The following MYPN variants were observed in gnomAD, a reference collection of about 807,000 sequenced individuals.
MYPN encodes the protein sarcomeric protein myopalladin, 145 kDa (MYOP).
A neutral mutation model predicts 129.4 loss-of-function variants in MYPN; 63 were observed. The observed-to-expected ratio is 0.49, with a 90% CI of 0.40 to 0.60. The LOEUF is 0.60. Among genes scored for constraint, MYPN ranks in the 20% least tolerant of loss-of-function variants. MYPN has a pLI of 0.00. For missense variants in MYPN, 1,596 were observed against 1,635.4 expected, an observed-to-expected ratio of 0.98 and a Z score of 0.42; for synonymous variants, 629 against 600.9, an observed-to-expected ratio of 1.05 and a Z score of -0.68.
intron 1 of MYPN, among the ~76,000 whole-genome samples, chr10:68,115,008 C>T (rs1267362392): frequency 3.3e-5 from 5 of 152,100 alleles, no homozygotes; most frequent in African/African-American, 1.2e-4. Flanking sequence ...CCTGTAATCC[C>T]AGCACTTTGG....
At chr10:68,119,385 T>TTTTTTTTATTTA (rs754608224) in intron 1 of MYPN, among the ~76,000 whole-genome samples, 8 of 144,700 alleles carry the variant, frequency 5.5e-5, no homozygotes, top group African/African-American at 2.0e-4. Flanking sequence ...TTGCATTTTA[T>TTTTTTTTATTTA]TTTATTTATT....
rs1906720 is a variant in MYPN at position 68,156,178 on chromosome 10, T to A, written c.1318-2308T>A. ...CTCAACCCCTTCTGCCACCACCACCTTTTTTGATGTTTGGTTTGGCTTTCT... is the reference window on the plus strand; with the variant it reads ...CTCAACCCCTTCTGCCACCACCACCATTTTTGATGTTTGGTTTGGCTTTCT... On this transcript the variant is annotated intron_variant, in intron 6 of 19. Transcript: ENST00000358913. Among the ~76,000 whole-genome samples, 1,357 of 152,292 alleles carry A rather than the reference T, an allele frequency of 8.9e-3. 18 individuals are homozygous for A. Among genetic ancestry groups the A allele is most frequent in the African/African-American group, 0.031 (1,307 of 41,566 alleles).
rs1349532936 is a variant in MYPN, at chr10:68,174,533, C to A, written c.2441C>A (p.Pro814Gln). 6.2e-7 allele frequency: 1 copy of A among 1,614,122 alleles called. No individual in the cohort carries two copies. The highest frequency in any genetic ancestry group is 1.7e-4 in the Middle Eastern group (1 of 6,060). Residue 814 changes from proline (P) to glutamine (Q), a missense_variant, in exon 11 of 20, where the codon CCA (proline) becomes CAA (glutamine). Pro to Gln is a moderately conservative substitution (Grantham distance 76). Transcript: ENST00000358913. ...CAGTTTCAGCCCCGCTGTGTGTCCC[C>A]AATTCCTGTCTCTCCTACCAGCCGG... ...GNQFQPRCVSPIPVSPTSRIQ... is the reference protein window; with the variant it reads ...GNQFQPRCVSQIPVSPTSRIQ...
chr10:68,119,308 G>T (rs927919420), intron 1 of MYPN, among the ~76,000 whole-genome samples: 3 of 151,934 alleles, frequency 2.0e-5, no homozygotes, highest in African/African-American at 7.3e-5. Flanking sequence ...ACTGAACATG[G>T]TTACAATTTT....
Position 68,161,722 on chromosome 10 carries a change from C to G in MYPN, c.1460-7C>G. 1 of 1,609,840 alleles carries G rather than the reference C, an allele frequency of 6.2e-7. No homozygotes were observed. The highest frequency in any genetic ancestry group is 8.5e-7 in the Non-Finnish European group (1 of 1,177,012). On this transcript the variant is annotated splice_region_variant and splice_polypyrimidine_tract_variant and intron_variant, in intron 7 of 19. Coordinates refer to ENST00000358913, the MANE Select transcript of MYPN (RefSeq NM_032578.4). ...TGCTCAGAATCTTTTACTTTCTTTT[C>G]TTTTAGAACCTCGATCCATGGCAGA...
chr10:68,131,960 T>C (rs1052467130), intron 2 of MYPN, among the ~76,000 whole-genome samples: 1 of 152,228 alleles, frequency 6.6e-6, no homozygotes, highest in Non-Finnish European at 1.5e-5. Context: ...AATCTATCTA[T>C]AGATTTTTGG....
chr10:68,204,124 G>A (rs1381368167), intron 18 of MYPN, among the ~76,000 whole-genome samples: 1 of 152,170 alleles, frequency 6.6e-6, no homozygotes, highest in East Asian at 1.9e-4. Flanking sequence ...AGCAACTGTT[G>A]CACGTAGTCA....
At chr10:68,165,542 G>A in intron 8 of MYPN, 160 bp from the exon 9 acceptor site, 1 of 708,612 alleles carries the variant, frequency 1.4e-6, no homozygotes. Flanking sequence ...CTACTAATCA[G>A]TCAATTCAAT....
intron 6 of MYPN, among the ~76,000 whole-genome samples, chr10:68,153,233 C>T (rs2042808183): frequency 6.6e-6 from 1 of 152,106 alleles, no homozygotes; most frequent in Admixed American, 6.5e-5. Flanking sequence ...AATCCGCCCA[C>T]CTCAGCCTCC....
intron 1 of MYPN, among the ~76,000 whole-genome samples, chr10:68,095,269 G>C (rs947377632): frequency 3.3e-5 from 5 of 151,334 alleles, no homozygotes; most frequent in Non-Finnish European, 4.4e-5. Context: ...AAGATTGCTT[G>C]AGTCTGGGAG....
chr10:68,207,702 G>T (rs1008854013), intron 19 of MYPN, among the ~76,000 whole-genome samples: 11 of 152,040 alleles, frequency 7.2e-5, no homozygotes, highest in South Asian at 2.1e-4. Flanking sequence ...TGACACATAG[G>T]CTCCCCTCTC....
intron 15 of MYPN, among the ~76,000 whole-genome samples, chr10:68,196,476 T>G (rs898573824): frequency 3.7e-5 from 4 of 107,232 alleles, no homozygotes; most frequent in African/African-American, 1.2e-4. Context: ...AACTATACCT[T>G]CTTCTTCTTT....
At chr10:68,190,908 A>G (rs2043500188) in intron 13 of MYPN, among the ~76,000 whole-genome samples, 1 of 152,032 alleles carries the variant, frequency 6.6e-6, no homozygotes, top group African/African-American at 2.4e-5. Context: ...CCATATGGGT[A>G]TTTAGTTTTC....
intron 6 of MYPN, among the ~76,000 whole-genome samples, chr10:68,152,681 G>T (rs1326138258): frequency 6.6e-6 from 1 of 152,172 alleles, no homozygotes; most frequent in Admixed American, 6.5e-5. Context: ...TGTTGCCCAG[G>T]CTAGAGTGCA....
At chr10:68,197,330 C>T in intron 15 of MYPN, 22 bp from the exon 16 acceptor site, 1 of 1,610,004 alleles carries the variant, frequency 6.2e-7, no homozygotes, top group South Asian at 1.1e-5. Context: ...TGTTTAATAT[C>T]TGAACATGCT....
At position 68,166,336 on chromosome 10, in the gene MYPN, A is replaced by G. The variant is rs1378645341; in HGVS notation, c.1643A>G (p.Asn548Ser). The G allele has an allele frequency of 6.2e-7, 1 of 1,613,786 alleles. No homozygotes were observed. Among genetic ancestry groups the G allele is most frequent in the Non-Finnish European group, 8.5e-7 (1 of 1,179,954 alleles). ...AACAACGGGTCTCTTCACTCAGCCA[A>G]CTCTACCACCAACCTGGCAGCTATT... ...LSNNGSLHSANSTTNLAAIEP... is the reference protein window; with the variant it reads ...LSNNGSLHSASSTTNLAAIEP... The change falls in exon 10 of 20, where the codon AAC (asparagine) becomes AGC (serine). Residue 548 changes from asparagine (N) to serine (S), a missense_variant. By Grantham distance (46) the Asn-to-Ser change is conservative (BLOSUM62 1). Transcript: ENST00000358913.
intron 1 of MYPN, among the ~76,000 whole-genome samples, chr10:68,096,647 T>C (rs910866728): frequency 2.4e-4 from 36 of 152,248 alleles, no homozygotes; most frequent in Non-Finnish European, 2.9e-5. Flanking sequence ...ATTTGACATC[T>C]GTCCCAGTTC....
intron 3 of MYPN, among the ~76,000 whole-genome samples, chr10:68,144,162 C>T (rs1589551576): frequency 6.6e-6 from 1 of 152,110 alleles, no homozygotes; most frequent in Non-Finnish European, 1.5e-5. Flanking sequence ...TTTACATTGG[C>T]ATCAGGTTTA....
At chr10:68,100,671 A>C (rs1340959665) in intron 1 of MYPN, among the ~76,000 whole-genome samples, 1 of 152,146 alleles carries the variant, frequency 6.6e-6, no homozygotes, top group Non-Finnish European at 1.5e-5. Flanking sequence ...GTACGAAAAC[A>C]CCTCTTATTA....
Sources: allele counts gnomAD v4.1 joint callset (sites outside exome capture counted in the v4.1 genomes callset), GRCh38; gene constraint gnomAD v4.1.1; transcripts MANE v1.5; gene names NCBI Gene and HGNC (gene_info 2026-07-23, HGNC 2026-07-21).